TSPAN11: variants seen among roughly 807,000 people sequenced by gnomAD.
TSPAN11 encodes tetraspanin 11, also known as tetraspanin-11.
In TSPAN11, 29 loss-of-function variants were observed where a neutral mutation model predicts 32.9. The observed-to-expected ratio is 0.88, with a 90% CI of 0.66 to 1.20. TSPAN11 has a LOEUF of 1.20. Ranked by LOEUF, TSPAN11 falls within the 50% of genes most tolerant of loss-of-function variation. The probability of loss-of-function intolerance (pLI) is 0.00; values close to 1 mark genes in which losing one functional copy is unlikely to be tolerated. For missense variants in TSPAN11, 283 were observed against 329.1 expected (o/e 0.86, Z 1.08); for synonymous variants, 140 against 141.3 (o/e 0.99, Z 0.07).
downstream of TSPAN11, among the ~76,000 whole-genome samples, chr12:30,998,304 G>T (rs1013652756): frequency 1.3e-5 from 2 of 152,214 alleles, no homozygotes; most frequent in Admixed American, 6.5e-5. Flanking sequence ...GCTGCTGGCT[G>T]GCCTGCCAGC....
intron 1 of TSPAN11, among the ~76,000 whole-genome samples, chr12:30,928,884 A>T (rs953714837): frequency 6.6e-6 from 1 of 152,152 alleles, no homozygotes; most frequent in African/African-American, 2.4e-5. Context: ...TCCTACTACA[A>T]TGTGAGCTCA....
chr12:30,968,350 C>T (rs1938780924), intron 3 of TSPAN11, among the ~76,000 whole-genome samples: 3 of 152,262 alleles, frequency 2.0e-5, no homozygotes, highest in African/African-American at 7.2e-5. Flanking sequence ...TGTCCTGGCA[C>T]AGCCCTTCCT....
chr12:30,938,754 C>T (rs1354390424), intron 1 of TSPAN11, among the ~76,000 whole-genome samples: 1 of 152,140 alleles, frequency 6.6e-6, no homozygotes, highest in African/African-American at 2.4e-5. Context: ...AGCAGCTTCT[C>T]GGGAAGCATC....
the TSPAN11 span, among the ~76,000 whole-genome samples, chr12:31,008,333 A>G: frequency 1.3e-5 from 2 of 152,214 alleles, no homozygotes; most frequent in African/African-American, 4.8e-5. Context: ...ACATGTCCAC[A>G]GTCACAGAGC....
At chr12:30,949,843 C>T (rs1336149896) in intron 1 of TSPAN11, among the ~76,000 whole-genome samples, 1 of 152,164 alleles carries the variant, frequency 6.6e-6, no homozygotes. Context: ...TTGACTGACA[C>T]CTCTTGACAG....
chr12:30,951,273 C>T (rs1419595879), intron 1 of TSPAN11, among the ~76,000 whole-genome samples: 2 of 152,302 alleles, frequency 1.3e-5, no homozygotes, highest in East Asian at 3.9e-4. Flanking sequence ...CTGGCTATAC[C>T]TAGCAGGACA....
chr12:30,949,932 C>T (rs1012883496), intron 1 of TSPAN11, among the ~76,000 whole-genome samples: 3 of 152,146 alleles, frequency 2.0e-5, no homozygotes, highest in Non-Finnish European at 1.5e-5. Flanking sequence ...TACCCTCCCC[C>T]TCGCACATCA....
chr12:30,977,584 G>C (rs1939002023), intron 3 of TSPAN11, among the ~76,000 whole-genome samples: 1 of 152,144 alleles, frequency 6.6e-6, no homozygotes, highest in South Asian at 2.1e-4. Flanking sequence ...CTGTCTGTGA[G>C]CTCCGTGGCT....
At chr12:30,985,439 A>T (rs142193200) in intron 7 of TSPAN11, among the ~76,000 whole-genome samples, 128 of 152,000 alleles carry the variant, frequency 8.4e-4, no homozygotes, top group African/African-American at 2.9e-3. Flanking sequence ...GCTCCCCATC[A>T]TTCTCACTCA....
At chr12:30,986,245 A>T (rs1939198786) in intron 7 of TSPAN11, among the ~76,000 whole-genome samples, 1 of 152,180 alleles carries the variant, frequency 6.6e-6, no homozygotes, top group Non-Finnish European at 1.5e-5. Context: ...ACTGCAAGAA[A>T]TCTTGCTTGG....
At chr12:30,931,473 T>C (rs2140267690) in intron 1 of TSPAN11, among the ~76,000 whole-genome samples, 1 of 145,008 alleles carries the variant, frequency 6.9e-6, no homozygotes, top group East Asian at 2.1e-4. Flanking sequence ...AAATTCAGGT[T>C]TCTATGAGCG....
At chr12:30,982,953 CTG>C (rs1280343706) in intron 6 of TSPAN11, 109 bp from the exon 7 acceptor site, 2 of 1,269,350 alleles carry the variant, frequency 1.6e-6, no homozygotes, top group Non-Finnish European at 2.2e-6. Context: ...TGGGTCCAGC[CTG>C]TGAGTCCTCT....
At chr12:30,990,177 C>T (rs531677056) in intron 7 of TSPAN11, among the ~76,000 whole-genome samples, 52 of 152,164 alleles carry the variant, frequency 3.4e-4, no homozygotes, top group Non-Finnish European at 5.1e-4. Context: ...TGCATGTGGA[C>T]GCAGTGATGA....
At chr12:30,974,012 G>A (rs1269161377) in intron 3 of TSPAN11, among the ~76,000 whole-genome samples, 1 of 152,162 alleles carries the variant, frequency 6.6e-6, no homozygotes, top group Non-Finnish European at 1.5e-5. Flanking sequence ...TGGAATTCCA[G>A]CCCCGGGGTC....
the TSPAN11 span, among the ~76,000 whole-genome samples, chr12:31,007,108 A>C: frequency 6.6e-6 from 1 of 152,170 alleles, no homozygotes; most frequent in African/African-American, 2.4e-5. Flanking sequence ...GAACATTAGG[A>C]ACCCTCCTAG....
At chr12:30,988,016 G>A (rs1242207293) in intron 7 of TSPAN11, among the ~76,000 whole-genome samples, 2 of 152,238 alleles carry the variant, frequency 1.3e-5, no homozygotes, top group African/African-American at 4.8e-5. Context: ...GCTGGGGGCC[G>A]GCAGGGATGC....
chr12:30,956,303 C>T (rs1265858199), intron 2 of TSPAN11, among the ~76,000 whole-genome samples: 4 of 152,222 alleles, frequency 2.6e-5, no homozygotes, highest in Admixed American at 2.6e-4. Context: ...TTACGTGGAA[C>T]ATTGTTCACC....
the TSPAN11 span, among the ~76,000 whole-genome samples, chr12:31,006,726 T>C: frequency 6.6e-5 from 10 of 152,236 alleles, no homozygotes; most frequent in African/African-American, 2.4e-4. Flanking sequence ...GCAGGTAAAC[T>C]GAGGCCAGTC....
chr12:30,962,803 C>T (rs1369277972), intron 2 of TSPAN11, among the ~76,000 whole-genome samples: 2 of 152,196 alleles, frequency 1.3e-5, no homozygotes, highest in African/African-American at 2.4e-5. Context: ...TCCACATTCC[C>T]AGGAGCAGAT....
Sources: gnomAD v4.1 joint callset for allele counts (sites outside exome capture counted in the v4.1 genomes callset) on GRCh38, gnomAD v4.1.1 for gene constraint, MANE v1.5 for transcripts, NCBI Gene and HGNC (gene_info 2026-07-23, HGNC 2026-07-21) for gene names.